MARCO: variants seen among roughly 807,000 people sequenced by gnomAD.
MARCO encodes macrophage receptor with collagenous structure.
MARCO carries 72 observed loss-of-function variants against 70.0 expected under a neutral mutation model. The ratio of observed to expected loss-of-function variants is 1.03; its 90% CI spans 0.85 to 1.25. The LOEUF (loss-of-function observed/expected upper bound fraction) is 1.25. Ranked by LOEUF, MARCO falls within the 50% of genes most tolerant of loss-of-function variation. The pLI is 0.00. For missense variants in MARCO, 696 were observed against 659.3 expected (o/e 1.06, Z -0.61); for synonymous variants, 273 against 243.1 (o/e 1.12, Z -1.14).
intron 1 of MARCO, among the ~76,000 whole-genome samples, chr2:118,944,372 G>A (rs973199286): frequency 6.6e-6 from 1 of 152,162 alleles, no homozygotes. Context: ...CTTTCTAGAA[G>A]AGTGCCATTA....
intron 12 of MARCO, among the ~76,000 whole-genome samples, chr2:118,986,672 GGAAAGAAAGAAAGAAAGAAAGAAAGAAA>G (rs70949954): frequency 2.9e-4 from 14 of 48,694 alleles, no homozygotes; most frequent in East Asian, 2.7e-3. Context: ...AAGGAAGGAA[GGAAAGAAAGAAAGAAAGAAAGAAAGAAA>G]GAAAGAAAGA....
chr2:118,949,568 G>A (rs1383535163), intron 1 of MARCO: 1 of 152,172 alleles, frequency 6.6e-6, no homozygotes, highest in African/African-American at 2.4e-5. Flanking sequence ...AACCACAGAA[G>A]TGCCCTACAG....
intron 1 of MARCO, among the ~76,000 whole-genome samples, chr2:118,953,983 GAGGAGC>G (rs1013265485): frequency 5.9e-5 from 9 of 152,294 alleles, no homozygotes; most frequent in Non-Finnish European, 1.0e-4. Context: ...AAGGTGGCCA[GAGGAGC>G]AGGGGCAAAA....
At chr2:118,974,931 C>G (rs1273185390) in intron 6 of MARCO, among the ~76,000 whole-genome samples, 1 of 152,212 alleles carries the variant, frequency 6.6e-6, no homozygotes, top group Non-Finnish European at 1.5e-5. Context: ...GCACCTCCAC[C>G]TTGGACTAGC....
intron 16 of MARCO, 92 bp downstream of exon 16, chr2:118,993,392 T>C (rs1680661429): frequency 2.3e-6 from 3 of 1,329,318 alleles, no homozygotes; most frequent in Non-Finnish European, 3.2e-6. Context: ...CTCAGTGTGG[T>C]TTTCTTTAAA....
chr2:118,991,253 G>GTTTT (rs543393291), intron 13 of MARCO, among the ~76,000 whole-genome samples: 1 of 143,972 alleles, frequency 6.9e-6, no homozygotes, highest in African/African-American at 2.6e-5. Context: ...ATGTTTTATG[G>GTTTT]TTTTTTTTTT....
At chr2:118,960,967 C>A (rs1010595068) in intron 1 of MARCO, among the ~76,000 whole-genome samples, 8 of 152,108 alleles carry the variant, frequency 5.3e-5, no homozygotes, top group Non-Finnish European at 1.0e-4. Context: ...TCAGCTCCCA[C>A]ATATAAGTGA....
chr2:118,948,742 A>G (rs924332149), intron 1 of MARCO, among the ~76,000 whole-genome samples: 1 of 152,236 alleles, frequency 6.6e-6, no homozygotes, highest in Non-Finnish European at 1.5e-5. Context: ...GGTACAACAT[A>G]ATACTTAAGA....
intron 3 of MARCO, 100 bp from the exon 4 acceptor site, chr2:118,971,399 A>G (rs1680167914): frequency 8.8e-7 from 1 of 1,136,520 alleles, no homozygotes; most frequent in Non-Finnish European, 1.3e-6. Flanking sequence ...CCCACACAGG[A>G]GGGCTTACCC....
At chr2:118,958,017 A>G (rs911129378) in intron 1 of MARCO, among the ~76,000 whole-genome samples, 1 of 152,122 alleles carries the variant, frequency 6.6e-6, no homozygotes, top group Non-Finnish European at 1.5e-5. Context: ...AATAAAGGCC[A>G]TCTATGACAA....
chr2:118,984,981 C>G (rs1479820719), intron 12 of MARCO, among the ~76,000 whole-genome samples: 1 of 152,150 alleles, frequency 6.6e-6, no homozygotes, highest in East Asian at 1.9e-4. Context: ...TTGGCTTGAC[C>G]TAGGTGACAG....
At chr2:118,954,842 G>A (rs1039318371) in intron 1 of MARCO, among the ~76,000 whole-genome samples, 11 of 152,120 alleles carry the variant, frequency 7.2e-5, no homozygotes, top group African/African-American at 2.4e-4. Flanking sequence ...TTGACTCACA[G>A]GAAGCCACAT....
chr2:118,974,617 T>G, intron 6 of MARCO, 52 bp downstream of exon 6: 1 of 1,557,958 alleles, frequency 6.4e-7, no homozygotes, highest in Non-Finnish European at 8.8e-7. Context: ...TTTCTCAGAG[T>G]GACTGCTGTG....
In MARCO at chr2:118,944,740, G is replaced by A. The variant is rs547951832; in HGVS notation, c.97+2343G>A. On this transcript the variant is annotated intron_variant, in intron 1 of 16. Coordinates refer to ENST00000327097, the MANE Select transcript of MARCO (RefSeq NM_006770.4). ...GAAGAAAATTTTAGAAGTGAGTTTG[G>A]GAAACTTTTGGAATATAACCTTCAT... The A allele has an allele frequency of 3.3e-5, 5 of 151,882 alleles. No homozygotes were observed. In the South Asian group the frequency reaches 1.0e-3, roughly 32 times the overall value. The allele number at this position is 151,882 out of a possible 1,614,324, so 9.4% of individuals were successfully genotyped here.
chr2:118,994,116 T>C (rs1379976757), intron 16 of MARCO, among the ~76,000 whole-genome samples: 1 of 152,116 alleles, frequency 6.6e-6, no homozygotes, highest in Non-Finnish European at 1.5e-5. Context: ...TCAAATAGTG[T>C]GGGGTTTAAG....
chr2:118,983,182 T>A (rs1680427141), intron 12 of MARCO, among the ~76,000 whole-genome samples: 1 of 152,120 alleles, frequency 6.6e-6, no homozygotes, highest in Non-Finnish European at 1.5e-5. Context: ...GGAGGGGCAA[T>A]GGGGAAGGCA....
chr2:118,981,516 G>C lies in MARCO; in HGVS notation c.865+9G>C, dbSNP rs1186417625. 12 of 1,601,304 alleles carry C rather than the reference G, an allele frequency of 7.5e-6. No homozygotes were observed. The highest frequency in any genetic ancestry group is 9.4e-6 in the Non-Finnish European group (11 of 1,174,014). On this transcript the variant is annotated intron_variant, in intron 9 of 16. Transcript: ENST00000327097. Reference sequence around the variant, plus strand: ...GAGGCCAGGCCCACCAGGTAAGAGGGCACGTGGTCACATCCACTGACCTCT... The same window carrying C: ...GAGGCCAGGCCCACCAGGTAAGAGGCCACGTGGTCACATCCACTGACCTCT...
rs771020474 is a variant in MARCO, at chr2:118,994,367, C to T, written c.1430-20C>T. 4 of 1,614,026 alleles carry T rather than the reference C, an allele frequency of 2.5e-6. No individual in the cohort carries two copies. The highest frequency in any genetic ancestry group is 3.4e-6 in the Non-Finnish European group (4 of 1,179,972). ...TAATCCTACCCTTCTTCCTCTGTCT[C>T]TTGCTTTCTCTCTATCAAGGCACTG... On this transcript the variant is annotated intron_variant, in intron 16 of 16. Coordinates refer to ENST00000327097, the MANE Select transcript of MARCO (RefSeq NM_006770.4).
intron 13 of MARCO, among the ~76,000 whole-genome samples, chr2:118,991,333 G>T (rs1408142762): frequency 1.3e-5 from 2 of 150,728 alleles, no homozygotes; most frequent in African/African-American, 4.9e-5. Context: ...GGACAGGATA[G>T]CTCACTGTAG....
Sources: gnomAD v4.1 joint callset for allele counts (sites outside exome capture counted in the v4.1 genomes callset) on GRCh38, gnomAD v4.1.1 for gene constraint, MANE v1.5 for transcripts, NCBI Gene and HGNC (gene_info 2026-07-23, HGNC 2026-07-21) for gene names.